The following THSD4 variants were observed in gnomAD, a reference collection of about 807,000 sequenced individuals.
The protein encoded by THSD4 is thrombospondin type-1 domain-containing protein 4.
A neutral mutation model predicts 119.0 loss-of-function variants in THSD4; 69 were observed. The observed-to-expected ratio is 0.58, with a 90% CI of 0.48 to 0.71. The LOEUF is 0.71. THSD4 is among the 30% of genes least tolerant of loss of function. The pLI is 0.00. For missense variants in THSD4, 1,393 were observed against 1,391.1 expected (o/e 1.00, Z -0.02); for synonymous variants, 524 against 540.4 (o/e 0.97, Z 0.42).
At chr15:71,189,520 A>G (rs2043648273) in intron 3 of THSD4, among the ~76,000 whole-genome samples, 1 of 152,156 alleles carries the variant, frequency 6.6e-6, no homozygotes, top group African/African-American at 2.4e-5. Flanking sequence ...AATACAAAAA[A>G]TTAGCCAGGC....
intron 6 of THSD4, among the ~76,000 whole-genome samples, chr15:71,330,275 A>G (rs529224006): frequency 1.3e-5 from 2 of 152,026 alleles, no homozygotes; most frequent in Non-Finnish European, 2.9e-5. Flanking sequence ...CCTTTGTTAA[A>G]TTCATCTTTG....
intron 8 of THSD4, among the ~76,000 whole-genome samples, chr15:71,675,185 C>T (rs1427523257): frequency 3.3e-5 from 5 of 152,122 alleles, no homozygotes; most frequent in African/African-American, 1.2e-4. Context: ...GAAGTACCAT[C>T]TTAAAATGCC....
chr15:71,666,215 C>T (rs1027652329), intron 8 of THSD4, among the ~76,000 whole-genome samples: 11 of 152,112 alleles, frequency 7.2e-5, no homozygotes, highest in Non-Finnish European at 7.4e-5. Flanking sequence ...AGAGATCTTT[C>T]ACCTCCCTGG....
rs148085549 is a variant in THSD4 at position 71,596,821 on chromosome 15, G to C, written c.1153-63709G>C. On this transcript the variant is annotated intron_variant, in intron 7 of 17. Transcript: ENST00000261862. ...GCAGAAGCATGTAGCAGCAGAGGGA[G>C]GTGGAAGAGTGGCAATGGTTTGTCG... Among the ~76,000 whole-genome samples the C allele has an allele frequency of 7.8e-3, 1,186 of 152,340 alleles. 17 individuals are homozygous for C. Among genetic ancestry groups the C allele is most frequent in the African/African-American group, 0.025 (1,044 of 41,586 alleles).
intron 3 of THSD4, among the ~76,000 whole-genome samples, chr15:71,214,115 C>T (rs556158335): frequency 1.3e-5 from 2 of 152,224 alleles, no homozygotes; most frequent in South Asian, 4.1e-4. Flanking sequence ...AATCAGCACT[C>T]TGTGTATAGC....
chr15:71,736,307 CTCTG>C (rs1171880265), intron 10 of THSD4, among the ~76,000 whole-genome samples: 8 of 151,766 alleles, frequency 5.3e-5, no homozygotes, highest in African/African-American at 1.2e-4. Flanking sequence ...CTCTCCTGCT[CTCTG>C]TCTGTGTCTC....
intron 1 of THSD4, among the ~76,000 whole-genome samples, chr15:71,109,331 A>C (rs1045946779): frequency 3.3e-5 from 5 of 152,240 alleles, no homozygotes; most frequent in Non-Finnish European, 7.3e-5. Flanking sequence ...ATTACAGGGA[A>C]TAAAAGAAGC....
At chr15:71,487,925 G>A (rs1382465078) in intron 7 of THSD4, among the ~76,000 whole-genome samples, 2 of 151,428 alleles carry the variant, frequency 1.3e-5, no homozygotes, top group Non-Finnish European at 2.9e-5. Flanking sequence ...TCCTCTTTGG[G>A]TGTTTGATGT....
At chr15:71,649,272 G>A (rs948974265) in intron 7 of THSD4, among the ~76,000 whole-genome samples, 2 of 148,680 alleles carry the variant, frequency 1.3e-5, no homozygotes, top group African/African-American at 2.5e-5. Context: ...GGGCTTTTTT[G>A]TTTGTTTTTT....
chr15:71,412,271 T>C (rs1458430118), intron 7 of THSD4, among the ~76,000 whole-genome samples: 2 of 152,192 alleles, frequency 1.3e-5, no homozygotes, highest in Non-Finnish European at 1.5e-5. Context: ...AGTTGTTTCA[T>C]GCCTTTTATA....
chr15:71,667,587 A>AG (rs2051440774), intron 8 of THSD4, among the ~76,000 whole-genome samples: 1 of 152,230 alleles, frequency 6.6e-6, no homozygotes, highest in African/African-American at 2.4e-5. Context: ...TTTAAACAAC[A>AG]GTAATGGTCA....
chr15:71,683,074 A>G (rs1466061965), intron 8 of THSD4, among the ~76,000 whole-genome samples: 8 of 149,872 alleles, frequency 5.3e-5, no homozygotes, highest in African/African-American at 2.0e-4. Context: ...GACTCACACC[A>G]CCATGCCTGG....
chr15:71,180,124 C>A (rs2043496147), intron 3 of THSD4, among the ~76,000 whole-genome samples: 2 of 120,724 alleles, frequency 1.7e-5, no homozygotes, highest in Non-Finnish European at 1.7e-5. Context: ...CACATGTACC[C>A]TAAAACTTAG....
intron 7 of THSD4, among the ~76,000 whole-genome samples, chr15:71,594,424 T>A (rs879432034): frequency 3.3e-5 from 5 of 152,022 alleles, no homozygotes; most frequent in Admixed American, 6.6e-5. Flanking sequence ...GGCTGGGCTG[T>A]TCTTGAACTC....
intron 7 of THSD4, among the ~76,000 whole-genome samples, chr15:71,631,292 C>G (rs1284289923): frequency 6.6e-6 from 1 of 152,128 alleles, no homozygotes; most frequent in Admixed American, 6.5e-5. Flanking sequence ...AGGATACACT[C>G]AGGGTTGAAA....
intron 7 of THSD4, among the ~76,000 whole-genome samples, chr15:71,633,856 T>C (rs1307288957): frequency 6.6e-6 from 1 of 152,154 alleles, no homozygotes; most frequent in African/African-American, 2.4e-5. Context: ...GCTTGGTTTA[T>C]GCCCTTCCAC....
At chr15:71,723,470 T>C (rs189665373) in intron 8 of THSD4, among the ~76,000 whole-genome samples, 1 of 152,342 alleles carries the variant, frequency 6.6e-6, no homozygotes, top group East Asian at 1.9e-4. Flanking sequence ...TGCCTATTTA[T>C]TATTCTTTGC....
chr15:71,276,685 C>T, intron 6 of THSD4, among the ~76,000 whole-genome samples: 1 of 152,152 alleles, frequency 6.6e-6, no homozygotes, highest in East Asian at 1.9e-4. Context: ...AGACGATGAG[C>T]TTCATAAATG....
intron 8 of THSD4, among the ~76,000 whole-genome samples, chr15:71,679,956 G>A (rs781034987): frequency 3.9e-5 from 6 of 152,326 alleles, no homozygotes; most frequent in East Asian, 3.9e-4. Flanking sequence ...GAGTTTTTGC[G>A]TGTGTTTTTA....
Sources: gnomAD v4.1 joint callset for allele counts (sites outside exome capture counted in the v4.1 genomes callset) on GRCh38, gnomAD v4.1.1 for gene constraint, MANE v1.5 for transcripts, NCBI Gene and HGNC (gene_info 2026-07-23, HGNC 2026-07-21) for gene names.